The following SLC10A7 variants were observed in gnomAD, a reference collection of about 807,000 sequenced individuals.
The protein encoded by SLC10A7 is solute carrier family 10 member 7.
In SLC10A7, 29 loss-of-function variants were observed where a neutral mutation model predicts 43.2. That is an observed-to-expected ratio of 0.67 (90% CI 0.50 to 0.92). The LOEUF is 0.92. SLC10A7 is among the 40% of genes least tolerant of loss of function. SLC10A7 has a pLI of 0.00. For missense variants in SLC10A7, 295 were observed against 403.2 expected, an observed-to-expected ratio of 0.73 and a Z score of 2.30; for synonymous variants, 152 against 144.8, an observed-to-expected ratio of 1.05 and a Z score of -0.35.
intron 3 of SLC10A7, among the ~76,000 whole-genome samples, chr4:146,504,199 A>G (rs918207849): frequency 1.7e-4 from 26 of 152,102 alleles, no homozygotes; most frequent in African/African-American, 6.0e-4. Flanking sequence ...AAAGCAGTCA[A>G]GGTATAGTGA....
chr4:146,399,723 G>A (rs1739091608), intron 5 of SLC10A7, among the ~76,000 whole-genome samples: 1 of 152,116 alleles, frequency 6.6e-6, no homozygotes, highest in South Asian at 2.1e-4. Context: ...TTAAGACCAC[G>A]TAACGGGGAG....
intron 5 of SLC10A7, among the ~76,000 whole-genome samples, chr4:146,354,347 C>T (rs1735394124): frequency 6.6e-6 from 1 of 152,110 alleles, no homozygotes. Flanking sequence ...TGAAGGACCT[C>T]TTCAAGGAGA....
At chr4:146,417,824 G>A (rs938323026) in intron 5 of SLC10A7, among the ~76,000 whole-genome samples, 7 of 152,016 alleles carry the variant, frequency 4.6e-5, no homozygotes, top group South Asian at 2.1e-4. Flanking sequence ...TGGATACTAC[G>A]GGAAAGAAGA....
At chr4:146,355,241 C>G (rs1273041368) in intron 5 of SLC10A7, among the ~76,000 whole-genome samples, 1 of 152,088 alleles carries the variant, frequency 6.6e-6, no homozygotes, top group Non-Finnish European at 1.5e-5. Context: ...CATGAACAGA[C>G]ACTTCTCAAA....
At chr4:146,270,856 T>C (rs1362576406) in intron 10 of SLC10A7, among the ~76,000 whole-genome samples, 1 of 152,246 alleles carries the variant, frequency 6.6e-6, no homozygotes, top group African/African-American at 2.4e-5. Context: ...AAGTGCCTAA[T>C]GCAGTGCCTA....
chr4:146,386,854 C>T (rs1187401111), intron 5 of SLC10A7, among the ~76,000 whole-genome samples: 1 of 152,116 alleles, frequency 6.6e-6, no homozygotes, highest in Non-Finnish European at 1.5e-5. Flanking sequence ...CCTTAATAGT[C>T]CATGGGCACT....
intron 4 of SLC10A7, among the ~76,000 whole-genome samples, chr4:146,452,817 A>G (rs1731707090): frequency 6.6e-6 from 1 of 152,032 alleles, no homozygotes; most frequent in South Asian, 2.1e-4. Context: ...GTATTTTTTA[A>G]GTACCATTAC....
At chr4:146,416,075 C>G (rs148621246) in intron 5 of SLC10A7, among the ~76,000 whole-genome samples, 17 of 152,306 alleles carry the variant, frequency 1.1e-4, no homozygotes, top group African/African-American at 3.8e-4. Context: ...AGAACCTAGT[C>G]TAGTGTCTGG....
chr4:146,399,236 T>C (rs1027675110), intron 5 of SLC10A7, among the ~76,000 whole-genome samples: 1 of 152,194 alleles, frequency 6.6e-6, no homozygotes, highest in Non-Finnish European at 1.5e-5. Flanking sequence ...AGAAAGTCTT[T>C]GCTGCTGTGG....
At chr4:146,467,094 T>C (rs1056411802) in intron 4 of SLC10A7, among the ~76,000 whole-genome samples, 1 of 152,184 alleles carries the variant, frequency 6.6e-6, no homozygotes, top group Non-Finnish European at 1.5e-5. Flanking sequence ...CCGGAATTAC[T>C]TGGCATCTTC....
chr4:146,404,217 C>T lies in SLC10A7; in HGVS notation c.435+38566G>A, dbSNP rs1739415038. ...AATTTTTTTGTAAAGACGGGGTCTC[C>T]CTGGGTTTCCTAGGCTGGTCTCAAA... On this transcript the variant is annotated intron_variant, in intron 5 of 11. Transcript: ENST00000335472. Among the ~76,000 whole-genome samples the T allele has an allele frequency of 2.0e-5, 3 of 151,872 alleles. No individual in the cohort carries two copies. In the South Asian group the frequency reaches 6.2e-4, roughly 32 times the overall value.
At chr4:146,368,321 T>C (rs1253249871) in intron 5 of SLC10A7, among the ~76,000 whole-genome samples, 1 of 152,048 alleles carries the variant, frequency 6.6e-6, no homozygotes, top group East Asian at 1.9e-4. Context: ...AGCATGAGAG[T>C]ATCTGGCTGC....
intron 4 of SLC10A7, among the ~76,000 whole-genome samples, chr4:146,489,799 T>C (rs534056885): frequency 1.4e-4 from 21 of 152,274 alleles, no homozygotes; most frequent in African/African-American, 5.1e-4. Flanking sequence ...ACTCAACTGG[T>C]AAAAGACTCC....
At chr4:146,267,881 G>T (rs1728658737) in intron 10 of SLC10A7, among the ~76,000 whole-genome samples, 1 of 152,162 alleles carries the variant, frequency 6.6e-6, no homozygotes, top group South Asian at 2.1e-4. Context: ...CCTCTGGGAT[G>T]TCTGACAAAC....
chr4:146,518,602 T>A (rs1019599124), intron 1 of SLC10A7, among the ~76,000 whole-genome samples: 10 of 152,008 alleles, frequency 6.6e-5, no homozygotes, highest in Non-Finnish European at 1.2e-4. Context: ...AATGTCACAT[T>A]TTTGGAAATA....
chr4:146,393,333 T>C (rs1738587428), intron 5 of SLC10A7, among the ~76,000 whole-genome samples: 1 of 151,966 alleles, frequency 6.6e-6, no homozygotes, highest in Admixed American at 6.6e-5. Context: ...ATTATCTCCA[T>C]TTACAGATGT....
At chr4:146,395,714 GTA>G (rs142328015) in intron 5 of SLC10A7, among the ~76,000 whole-genome samples, 5 of 150,368 alleles carry the variant, frequency 3.3e-5, no homozygotes, top group East Asian at 1.9e-4. Context: ...ACCAAAACGA[GTA>G]TATATATATA....
intron 4 of SLC10A7, among the ~76,000 whole-genome samples, chr4:146,501,856 A>G (rs1315485301): frequency 6.6e-6 from 1 of 152,118 alleles, no homozygotes; most frequent in African/African-American, 2.4e-5. Flanking sequence ...CCCCACATCT[A>G]ATTCATCAGC....
intron 7 of SLC10A7, among the ~76,000 whole-genome samples, chr4:146,305,635 C>T (rs973388127): frequency 2.0e-5 from 3 of 151,092 alleles, no homozygotes; most frequent in African/African-American, 7.3e-5. Context: ...GGTAGCTACA[C>T]AGCTACAAAG....
Sources: gnomAD v4.1 joint callset for allele counts (sites outside exome capture counted in the v4.1 genomes callset) on GRCh38, gnomAD v4.1.1 for gene constraint, MANE v1.5 for transcripts, NCBI Gene and HGNC (gene_info 2026-07-23, HGNC 2026-07-21) for gene names.